Variants in DIP2B observed in about 807,000 individuals in gnomAD.
The protein encoded by DIP2B is DIP2 acetate--CoA ligase B (putative).
A neutral mutation model predicts 198.0 loss-of-function variants in DIP2B; 76 were observed. The observed-to-expected ratio is 0.38, with a 90% CI of 0.32 to 0.46. The LOEUF is 0.46. Among genes scored for constraint, DIP2B ranks in the 20% least tolerant of loss-of-function variants. DIP2B has a pLI of 0.99. For missense variants in DIP2B, 1,559 were observed against 1,978.4 expected, an observed-to-expected ratio of 0.79 and a Z score of 4.02; for synonymous variants, 701 against 739.1, an observed-to-expected ratio of 0.95 and a Z score of 0.84.
chr12:50,593,531 A>T (rs1257762763), intron 1 of DIP2B, among the ~76,000 whole-genome samples: 2 of 151,426 alleles, frequency 1.3e-5, no homozygotes, highest in Non-Finnish European at 2.9e-5. Context: ...GGAAACACAA[A>T]GCAGTCCATT....
intron 1 of DIP2B, among the ~76,000 whole-genome samples, chr12:50,529,082 G>A (rs1958192686): frequency 6.6e-6 from 1 of 152,160 alleles, no homozygotes; most frequent in African/African-American, 2.4e-5. Context: ...GCAGGACATG[G>A]CAGTACTTTC....
chr12:50,557,784 T>A (rs1958483932), intron 1 of DIP2B, among the ~76,000 whole-genome samples: 1 of 152,238 alleles, frequency 6.6e-6, no homozygotes, highest in Non-Finnish European at 1.5e-5. Context: ...TTCTTGTTGT[T>A]TCTCCCAGAT....
At chr12:50,634,800 A>G (rs1809346163) in intron 2 of DIP2B, among the ~76,000 whole-genome samples, 1 of 152,178 alleles carries the variant, frequency 6.6e-6, no homozygotes, top group Non-Finnish European at 1.5e-5. Flanking sequence ...AGTGCCTGAT[A>G]TATAGTAGAT....
At chr12:50,630,672 T>TC (rs1593670137) in intron 2 of DIP2B, among the ~76,000 whole-genome samples, 1 of 140,976 alleles carries the variant, frequency 7.1e-6, no homozygotes, top group East Asian at 2.0e-4. Flanking sequence ...TCTTTTTTTT[T>TC]TTTTTTTTTT....
intron 1 of DIP2B, among the ~76,000 whole-genome samples, chr12:50,521,895 G>A (rs965344876): frequency 2.0e-5 from 3 of 151,610 alleles, no homozygotes; most frequent in Non-Finnish European, 4.4e-5. Context: ...CACCTGCCTT[G>A]GCCTCCCAGA....
chr12:50,668,744 T>G (rs1938798722), intron 4 of DIP2B, among the ~76,000 whole-genome samples: 1 of 152,196 alleles, frequency 6.6e-6, no homozygotes, highest in Non-Finnish European at 1.5e-5. Context: ...TTGAAAATAC[T>G]TTATTCTTAA....
At chr12:50,554,020 T>G (rs910672866) in intron 1 of DIP2B, among the ~76,000 whole-genome samples, 6 of 152,182 alleles carry the variant, frequency 3.9e-5, no homozygotes, top group African/African-American at 1.4e-4. Flanking sequence ...TATTAAAGTT[T>G]TACACACACG....
intron 3 of DIP2B, among the ~76,000 whole-genome samples, chr12:50,641,377 G>T (rs1240024826): frequency 1.3e-5 from 2 of 152,074 alleles, no homozygotes; most frequent in African/African-American, 4.8e-5. Context: ...GACTGTTTCT[G>T]CCCTTAAGGA....
intron 1 of DIP2B, among the ~76,000 whole-genome samples, chr12:50,613,248 T>C (rs1959046600): frequency 6.6e-6 from 1 of 152,240 alleles, no homozygotes; most frequent in Non-Finnish European, 1.5e-5. Flanking sequence ...CTGAGACTCA[T>C]AATACTCTTC....
intron 2 of DIP2B, among the ~76,000 whole-genome samples, chr12:50,627,621 G>A (rs892188688): frequency 4.6e-5 from 7 of 152,198 alleles, no homozygotes; most frequent in Admixed American, 1.3e-4. Context: ...GAGCCACCAC[G>A]CCTGGCCTAC....
chr12:50,730,368 CTT>C (rs1313325930), intron 30 of DIP2B, among the ~76,000 whole-genome samples: 43 of 112,190 alleles, frequency 3.8e-4, no homozygotes, highest in Non-Finnish European at 8.6e-4. Context: ...TTGTTTCTTT[CTT>C]TCTCTCTCTC....
chr12:50,679,200 A>G (rs1006391724), intron 8 of DIP2B: 2 of 248,534 alleles, frequency 8.0e-6, no homozygotes. Context: ...TTTATCTAAC[A>G]GTTGAAACTG....
At chr12:50,529,943 G>A (rs1958201082) in intron 1 of DIP2B, among the ~76,000 whole-genome samples, 2 of 152,166 alleles carry the variant, frequency 1.3e-5, no homozygotes, top group Non-Finnish European at 1.5e-5. Context: ...TGAATTTCAC[G>A]GGAAATTATT....
intron 4 of DIP2B, among the ~76,000 whole-genome samples, chr12:50,667,869 C>CGCCA (rs1410734666): frequency 7.2e-5 from 11 of 152,174 alleles, no homozygotes. Flanking sequence ...GTGCTATGGG[C>CGCCA]TGGCACCAGT....
chr12:50,516,522 G>T (rs1958066736), intron 1 of DIP2B, among the ~76,000 whole-genome samples: 2 of 152,040 alleles, frequency 1.3e-5, no homozygotes, highest in Non-Finnish European at 2.9e-5. Context: ...CCAAAGTGCA[G>T]AGATTATGAC....
intron 1 of DIP2B, among the ~76,000 whole-genome samples, chr12:50,534,374 T>A (rs1238086445): frequency 6.9e-6 from 1 of 145,668 alleles, no homozygotes; most frequent in African/African-American, 2.5e-5. Context: ...ATTTCATTTT[T>A]TTTTTTTTTT....
Position 50,511,291 on chromosome 12 carries a change from A to ATTTTTTTTTTTTTTTTTTTTTTTTTT in DIP2B, c.100+6072_100+6073insTTTTTTTTTTTTTTTTTTTTTTTTTT, listed in dbSNP as rs71083581. ...CCTATCCCTGACCAGTGTGATTTCT[A>ATTTTTTTTTTTTTTTTTTTTTTTTTT]TTTTTTTTTTTTTTTTTTTTTGAGA... On this transcript the variant is annotated intron_variant, in intron 1 of 37. Transcript: ENST00000301180. Among the ~76,000 whole-genome samples, 2 of 64,664 alleles carry ATTTTTTTTTTTTTTTTTTTTTTTTTT rather than the reference A, an allele frequency of 3.1e-5. 1 individual carries two copies. Among genetic ancestry groups the ATTTTTTTTTTTTTTTTTTTTTTTTTT allele is most frequent in the African/African-American group, 1.2e-4 (2 of 16,534 alleles). 42.4% of individuals were successfully genotyped at this position (64,664 alleles called of 152,430 possible).
intron 1 of DIP2B, among the ~76,000 whole-genome samples, chr12:50,515,797 C>T (rs1958058638): frequency 6.6e-6 from 1 of 152,204 alleles, no homozygotes; most frequent in African/African-American, 2.4e-5. Context: ...CTTGCCTCTG[C>T]TCTAGACATT....
chr12:50,660,467 G>T, intron 4 of DIP2B, 148 bp downstream of exon 4: 1 of 858,082 alleles, frequency 1.2e-6, no homozygotes, highest in Non-Finnish European at 1.6e-6. Context: ...GGCAGATTTT[G>T]CTTGTCATCT....
Sources: allele counts gnomAD v4.1 joint callset (sites outside exome capture counted in the v4.1 genomes callset), GRCh38; gene constraint gnomAD v4.1.1; transcripts MANE v1.5; gene names NCBI Gene and HGNC (gene_info 2026-07-23, HGNC 2026-07-21).